The following AP4B1 variants were observed in gnomAD, a reference collection of about 807,000 sequenced individuals.
AP4B1 encodes the protein AP-4 complex subunit beta-1.
AP4B1 carries 49 observed loss-of-function variants against 76.5 expected under a neutral mutation model. The observed-to-expected ratio is 0.64, with a 90% CI of 0.51 to 0.81. The LOEUF (loss-of-function observed/expected upper bound fraction) is 0.81, where lower values mean the gene tolerates loss of function less well. AP4B1 is among the 40% of genes least tolerant of loss of function. The pLI is 0.00. For synonymous variants in AP4B1, 330 were observed against 333.3 expected, an observed-to-expected ratio of 0.99 and a Z score of 0.11; for missense variants, 911 against 904.9, an observed-to-expected ratio of 1.01 and a Z score of -0.09.
rs770006999 is a variant in AP4B1 at position 113,901,280 on chromosome 1, T to G, written c.573A>C (p.Gly191=). ...RSLEEILKQE[G]GVVINKPIAH... ...CAATGGGCTTATTGATGACAACGCC[T>G]CCTTCCTGTTTCAGAATTTCCTCTA... Residue 191 remains glycine (G), a synonymous_variant, in exon 4 of 10, where the codon GGA becomes GGC. Coordinates refer to ENST00000369569, the MANE Select transcript of AP4B1 (RefSeq NM_001253852.3). 8.7e-6 allele frequency: 14 copies of G among 1,614,026 alleles called. No homozygotes were observed. In the African/African-American group the frequency reaches 1.9e-4, roughly 22 times the overall value.
At chr1:113,902,454 C>G (rs1668396874) in intron 2 of AP4B1, among the ~76,000 whole-genome samples, 184 bp downstream of exon 2, 3 of 152,170 alleles carry the variant, frequency 2.0e-5, no homozygotes, top group Admixed American at 1.3e-4. Flanking sequence ...CAAAAACTCC[C>G]TCTAATAAAA....
At chr1:113,896,743 G>T in intron 7 of AP4B1, 1 of 495,420 alleles carries the variant, frequency 2.0e-6, no homozygotes. Context: ...GGCCCTATTG[G>T]GTTTTAGTGT....
In AP4B1 at chr1:113,901,236, C is replaced by G; in HGVS notation, c.617G>C (p.Arg206Pro). ...AAAAAGAGTGCTGAGGCATCCAAAC[C>G]GATTTAAGAGATGGTGAGCAATGGG... ...NKPIAHHLLN[R>P]MSKLDQWGQA... is the part of the protein sequence containing the mutation. Residue 206 changes from arginine to proline, a missense_variant and splice_region_variant, in exon 4 of 10, where the codon CGA becomes CCA. By Grantham distance (103) the Arg-to-Pro change is moderately radical (BLOSUM62 -2). Transcript: ENST00000369569. 6.2e-7 allele frequency: 1 copy of G among 1,614,110 alleles called. No homozygotes were observed. The highest frequency in any genetic ancestry group is 8.5e-7 in the Non-Finnish European group (1 of 1,180,026).
In AP4B1 at chr1:113,895,793, G is replaced by A. The variant is rs1667393375; in HGVS notation, c.1756C>T (p.Pro586Ser). 2 of 1,614,186 alleles carry A rather than the reference G, an allele frequency of 1.2e-6. No individual in the cohort carries two copies. The highest frequency in any genetic ancestry group is 2.2e-5 in the South Asian group (2 of 91,078). ...SKCQGAERCD[P>S]ELPKTSSFAA... ...AAGGATGAAGTTTTAGGAAGCTCTGGGTCACAACGCTCTGCCCCCTGGCAT... is the reference window on the plus strand; with the variant it reads ...AAGGATGAAGTTTTAGGAAGCTCTGAGTCACAACGCTCTGCCCCCTGGCAT... The change falls in exon 9 of 10, where the codon CCA becomes TCA. Residue 586 changes from proline (P) to serine (S), a missense_variant. Transcript: ENST00000369569.
At chr1:113,904,545 G>A in intron 1 of AP4B1, 60 bp downstream of exon 1, 1 of 1,494,236 alleles carries the variant, frequency 6.7e-7, no homozygotes. Context: ...ACTGGGGCTA[G>A]TGAGCCCTGA....
At chr1:113,901,734 G>A in intron 3 of AP4B1, 21 bp downstream of exon 3, 1 of 1,614,074 alleles carries the variant, frequency 6.2e-7, no homozygotes, top group Non-Finnish European at 8.5e-7. Flanking sequence ...CATTGACCAT[G>A]ATGGATTACA....
At chr1:113,897,765 A>G in intron 7 of AP4B1, 75 bp downstream of exon 7, 1 of 1,496,492 alleles carries the variant, frequency 6.7e-7, no homozygotes, top group Non-Finnish European at 9.3e-7. Context: ...AGAGAGAATA[A>G]TTAGATTCCA....
chr1:113,904,961 C>T, upstream of AP4B1: 1 of 494,916 alleles, frequency 2.0e-6, no homozygotes. Flanking sequence ...GCAGGCCGTT[C>T]GCCCCGCCCA....
intron 7 of AP4B1, 160 bp downstream of exon 7, chr1:113,897,680 T>G (rs1667664525): frequency 1.4e-6 from 1 of 716,568 alleles, no homozygotes; most frequent in East Asian, 2.7e-5. Flanking sequence ...TTTTTATAAT[T>G]TATATGCCAT....
chr1:113,902,231 C>T (rs1668365616), intron 2 of AP4B1: 1 of 393,022 alleles, frequency 2.5e-6, no homozygotes. Context: ...AGGCTCTCAC[C>T]ATCTTGCCCA....
intron 9 of AP4B1, 53 bp downstream of exon 9, chr1:113,895,704 T>C: frequency 6.2e-7 from 1 of 1,607,928 alleles, no homozygotes; most frequent in South Asian, 1.1e-5. Flanking sequence ...CCACCAATCA[T>C]TGAAAAGGTA....
At position 113,895,158 on chromosome 1, in the gene AP4B1, A is replaced by G; in HGVS notation, c.2127T>C (p.Ser709=). ...CCGTTCTTGCTTCATTTTGTTTCACAGAGATCTGCATTTCTGAGTTTCCAG... is the reference window on the plus strand; with the variant it reads ...CCGTTCTTGCTTCATTTTGTTTCACGGAGATCTGCATTTCTGAGTTTCCAG... ...LEPGNSEMQI[S]VKQNEARTET... Residue 709 remains serine, a synonymous_variant, in exon 10 of 10, where the codon TCT becomes TCC. Transcript: ENST00000369569. The G allele has an allele frequency of 6.2e-7, 1 of 1,614,178 alleles. No homozygotes were observed. The highest frequency in any genetic ancestry group is 8.5e-7 in the Non-Finnish European group (1 of 1,180,000).
At chr1:113,898,430 G>A (rs1292146012) in intron 6 of AP4B1, among the ~76,000 whole-genome samples, 1 of 152,134 alleles carries the variant, frequency 6.6e-6, no homozygotes, top group Non-Finnish European at 1.5e-5. Context: ...CACTGCCTAT[G>A]GCATACTGCC....
intron 5 of AP4B1, chr1:113,899,266 A>G (rs1667910140): frequency 2.9e-6 from 3 of 1,018,804 alleles, no homozygotes; most frequent in South Asian, 3.8e-5. Context: ...CTGTACTTGA[A>G]ATCCTTCAAA....
chr1:113,896,015 G>A lies in AP4B1; in HGVS notation c.1534C>T (p.Arg512Trp), dbSNP rs1449161416. The A allele has an allele frequency of 6.2e-6, 10 of 1,614,176 alleles. No homozygotes were observed. Among genetic ancestry groups the A allele is most frequent in the Admixed American group, 1.7e-5 (1 of 60,022 alleles). The change falls in exon 9 of 10, where the codon CGG becomes TGG. Residue 512 changes from arginine (R) to tryptophan (W), a missense_variant. By Grantham distance (101) the Arg-to-Trp change is moderately radical (BLOSUM62 -3). Transcript: ENST00000369569. ...CGATAATAGAAGAGACCTCGGTCCC[G>A]TACAGCCATATCTTTTTCTTCCTCT... is the stretch of plus-strand genomic sequence containing the variant. ...CIEEEKDMAV[R>W]DRGLFYYRLL...
At position 113,899,930 on chromosome 1, in the gene AP4B1, A is replaced by C; in HGVS notation, c.1088T>G (p.Phe363Cys). Residue 363 changes from phenylalanine to cysteine, a missense_variant, in exon 5 of 10, where the codon TTT (phenylalanine) becomes TGT (cysteine). Phe to Cys is a radical substitution (Grantham distance 205, BLOSUM62 -2). Transcript: ENST00000369569. ...RGYCTDVSAD[F>C]AQAAIFAIGG... ...TATGGCAAAGATGGCAGCCTGTGCA[A>C]AGTCCGCAGACACATCCGTGCAGTA... 1 of 1,614,190 alleles carries C rather than the reference A, an allele frequency of 6.2e-7. No homozygotes were observed. The highest frequency in any genetic ancestry group is 8.5e-7 in the Non-Finnish European group (1 of 1,180,028).
Position 113,904,676 on chromosome 1 carries a change from C to G in AP4B1, c.42G>C (p.Lys14Asn). ...LGSEDVVKEL[K>N]KALCNPHIQA... ...GAATGTGAGGATTGCACAGAGCCTT[C>G]TTCAGCTCCTTCACCACGTCCTCGG... Residue 14 changes from lysine to asparagine, a missense_variant, in exon 1 of 10, where the codon AAG (lysine) becomes AAC (asparagine). Physicochemically the swap from Lys to Asn is moderately conservative, Grantham distance 94. Transcript: ENST00000369569. 1.2e-6 allele frequency: 2 copies of G among 1,612,874 alleles called. No homozygotes were observed. Among genetic ancestry groups the G allele is most frequent in the Non-Finnish European group, 8.5e-7 (1 of 1,180,028 alleles).
rs751012628 is a variant in AP4B1 at position 113,899,896 on chromosome 1, A to G, written c.1114+8T>C. On this transcript the variant is annotated splice_region_variant and intron_variant, in intron 5 of 9. Transcript: ENST00000369569. ...GGTTCTCAAGAAGGAAAAGGAGCAG[A>G]CACCTACCTATGGCAAAGATGGCAG... 1 of 1,614,180 alleles carries G rather than the reference A, an allele frequency of 6.2e-7. No homozygotes were observed. The highest frequency in any genetic ancestry group is 8.5e-7 in the Non-Finnish European group (1 of 1,180,032).
intron 4 of AP4B1, chr1:113,900,763 G>A (rs1332217637): frequency 1.4e-5 from 4 of 288,464 alleles, no homozygotes; most frequent in Non-Finnish European, 2.6e-5. Flanking sequence ...ATCAATAAGG[G>A]AAAGTAAGGC....
Sources: gnomAD v4.1 joint callset for allele counts (sites outside exome capture counted in the v4.1 genomes callset) on GRCh38, gnomAD v4.1.1 for gene constraint, MANE v1.5 for transcripts, NCBI Gene and HGNC (gene_info 2026-07-23, HGNC 2026-07-21) for gene names.